Variants in ZNF256 observed in about 807,000 individuals in gnomAD.
ZNF256 encodes bone marrow zinc finger 3.
ZNF256 carries 4 observed loss-of-function variants against 7.9 expected under a neutral mutation model. That is an observed-to-expected ratio of 0.50 (90% CI 0.25 to 1.15). The LOEUF is 1.15. Among genes scored for constraint, ZNF256 ranks in the 50% most tolerant of loss-of-function variants. The pLI, the probability that ZNF256 is intolerant of heterozygous loss-of-function variation, is 0.15. For missense variants in ZNF256, 666 were observed against 755.9 expected, an observed-to-expected ratio of 0.88 and a Z score of 1.39; for synonymous variants, 260 against 260.4, an observed-to-expected ratio of 1.00 and a Z score of 0.02.
In ZNF256 at chr19:57,941,242, A is replaced by G. The variant is rs1600195809; in HGVS notation, c.1566T>C (p.Asn522=). Residue 522 remains asparagine, a synonymous_variant, in exon 3 of 3, where the codon AAT becomes AAC. Transcript: ENST00000282308. ...TCTGGCTAAAAAACTTCCCACATTC[A>G]TTGCACTCATAAGGCCTTTCTCCAG... ...VHTGERPYEC[N]ECGKFFSQSS... is the part of the protein sequence containing the mutation. The G allele has an allele frequency of 1.2e-6, 2 of 1,613,816 alleles. No homozygotes were observed. The highest frequency in any genetic ancestry group is 1.3e-5 in the African/African-American group (1 of 75,016).
At chr19:57,945,317 T>C (rs1027412356) in intron 1 of ZNF256, among the ~76,000 whole-genome samples, 1 of 152,114 alleles carries the variant, frequency 6.6e-6, no homozygotes, top group Non-Finnish European at 1.5e-5. Context: ...GAATGTAAGT[T>C]TTGTAGCATC....
At chr19:57,942,786 G>A in intron 2 of ZNF256, 139 bp from the exon 3 acceptor site, 1 of 977,816 alleles carries the variant, frequency 1.0e-6, no homozygotes, top group South Asian at 1.7e-5. Context: ...GGTTCAAGTT[G>A]AAGATAGGGC....
rs1451540453 is a variant in ZNF256 at position 57,942,467 on chromosome 19, C to A, written c.341G>T (p.Gly114Val). 6.2e-7 allele frequency: 1 copy of A among 1,614,042 alleles called. No homozygotes were observed. The highest frequency in any genetic ancestry group is 8.5e-7 in the Non-Finnish European group (1 of 1,180,048). Residue 114 changes from glycine to valine, a missense_variant, in exon 3 of 3, where the codon GGT becomes GTT. Gly to Val is a moderately radical substitution (Grantham distance 109). Coordinates refer to ENST00000282308, the MANE Select transcript of ZNF256 (RefSeq NM_005773.3). ...HLVEHQGTHHGQKLYTDGACR... is the reference protein window; with the variant it reads ...HLVEHQGTHHVQKLYTDGACR... ...TGCCCCGTCTGTATACAGTTTCTGA[C>A]CATGGTGTGTTCCTTGGTGTTCAAC... is the stretch of plus-strand genomic sequence containing the variant.
intron 2 of ZNF256, 77 bp from the exon 3 acceptor site, chr19:57,942,724 C>T: frequency 1.3e-6 from 2 of 1,528,834 alleles, no homozygotes; most frequent in Non-Finnish European, 1.8e-6. Context: ...AATGTGCATC[C>T]AACAAACCCA....
intron 1 of ZNF256, among the ~76,000 whole-genome samples, chr19:57,944,610 G>A (rs1212299424): frequency 6.6e-6 from 1 of 152,184 alleles, no homozygotes; most frequent in Non-Finnish European, 1.5e-5. Context: ...GGATCACGAG[G>A]TCAAGAGATG....
intron 1 of ZNF256, among the ~76,000 whole-genome samples, chr19:57,944,457 C>T (rs1252254133): frequency 6.6e-6 from 1 of 152,240 alleles, no homozygotes; most frequent in Non-Finnish European, 1.5e-5. Flanking sequence ...CCCACTGCCA[C>T]ATGACCATGA....
chr19:57,946,686 T>C (rs2072768447), intron 1 of ZNF256, among the ~76,000 whole-genome samples: 1 of 151,944 alleles, frequency 6.6e-6, no homozygotes, highest in Non-Finnish European at 1.5e-5. Context: ...CTTGGTAAAT[T>C]ACCTCTTTTT....
rs752456373 is a variant in ZNF256 at position 57,943,985 on chromosome 19, A to C, written c.109T>G (p.Cys37Gly). The C allele has an allele frequency of 6.2e-7, 1 of 1,614,088 alleles. No individual in the cohort carries two copies. The highest frequency in any genetic ancestry group is 1.1e-5 in the South Asian group (1 of 91,084). ...EWGLLDEAQK[C>G]LYHDVMLENL... ...TCCAGCATCACATCGTGGTACAGGC[A>C]TTTCTGAGCCTCATCAAGAAGACCC... Residue 37 changes from cysteine (C) to glycine (G), a missense_variant, in exon 2 of 3, where the codon TGC becomes GGC. Physicochemically the swap from Cys to Gly is radical, Grantham distance 159. Transcript: ENST00000282308.
Position 57,942,344 on chromosome 19 carries a change from A to C in ZNF256, c.464T>G (p.Phe155Cys). 6.2e-7 allele frequency: 1 copy of C among 1,614,192 alleles called. No individual in the cohort carries two copies. Among genetic ancestry groups the C allele is most frequent in the Non-Finnish European group, 8.5e-7 (1 of 1,180,042 alleles). Residue 155 changes from phenylalanine (F) to cysteine (C), a missense_variant, in exon 3 of 3, where the codon TTT (phenylalanine) becomes TGT (cysteine). Transcript: ENST00000282308. ...TACTTCAAATGTGCAGCTGCTCAAA[A>C]ACATGTCTCTGCCCCCATTGCTTCT... ...HFRSNGGRDMFLSSCTFEVSG... is the reference protein window; with the variant it reads ...HFRSNGGRDMCLSSCTFEVSG...
At position 57,942,082 on chromosome 19, in the gene ZNF256, A is replaced by G; in HGVS notation, c.726T>C (p.Ser242=). ...TTGTGCTAAAAGATTTCCCACATTCACTGCACATGTAAGATCTTTCCCTAA... is the reference window on the plus strand; with the variant it reads ...TTGTGCTAAAAGATTTCCCACATTCGCTGCACATGTAAGATCTTTCCCTAA... The part of the protein sequence containing the change: ...DLIRERSYMC[S]ECGKSFSTSC... Residue 242 remains serine (S), a synonymous_variant, in exon 3 of 3, where the codon AGT becomes AGC. Transcript: ENST00000282308. The G allele has an allele frequency of 1.2e-6, 2 of 1,614,228 alleles. No homozygotes were observed. Among genetic ancestry groups the G allele is most frequent in the East Asian group, 2.2e-5 (1 of 44,890 alleles).
rs1419484548 is a variant in ZNF256 at position 57,942,337 on chromosome 19, G to A, written c.471C>T (p.Ser157=). The A allele has an allele frequency of 6.2e-7, 1 of 1,614,206 alleles. No homozygotes were observed. The change falls in exon 3 of 3, where the codon AGC becomes AGT. Residue 157 remains serine (S), a synonymous_variant. Transcript: ENST00000282308. Reference sequence around the variant, plus strand: ...TCCCAGATACTTCAAATGTGCAGCTGCTCAAAAACATGTCTCTGCCCCCAT... The same window carrying A: ...TCCCAGATACTTCAAATGTGCAGCTACTCAAAAACATGTCTCTGCCCCCAT... ...RSNGGRDMFL[S]SCTFEVSGKP...
chr19:57,942,727 C>G, intron 2 of ZNF256, 80 bp from the exon 3 acceptor site: 5 of 1,525,410 alleles, frequency 3.3e-6, no homozygotes, highest in Non-Finnish European at 3.5e-6. Context: ...GTGCATCCAA[C>G]AAACCCAGGA....
chr19:57,942,164 T>A lies in ZNF256; in HGVS notation c.644A>T (p.Glu215Val). ...TTTGTAGCTGAAAGCTTTCACACAT[T>A]CTCCCCAGTTGTAATGATTTTTTAC... is the stretch of plus-strand genomic sequence containing the variant. ...HSVKNHYNWG[E>V]CVKAFSYKHV... is the part of the protein sequence containing the mutation. Residue 215 changes from glutamate (E) to valine (V), a missense_variant, in exon 3 of 3, where the codon GAA (glutamate) becomes GTA (valine). By Grantham distance (121) the Glu-to-Val change is moderately radical (BLOSUM62 -2). Coordinates refer to ENST00000282308, the MANE Select transcript of ZNF256 (RefSeq NM_005773.3). 1 of 1,614,212 alleles carries A rather than the reference T, an allele frequency of 6.2e-7. No homozygotes were observed. Among genetic ancestry groups the A allele is most frequent in the Non-Finnish European group, 8.5e-7 (1 of 1,180,044 alleles).
intron 2 of ZNF256, 29 bp downstream of exon 2, chr19:57,943,905 G>T: frequency 6.2e-7 from 1 of 1,611,490 alleles, no homozygotes; most frequent in South Asian, 1.1e-5. Flanking sequence ...GGCTAGCTCG[G>T]GGCATAGAGG....
chr19:57,941,932 T>C lies in ZNF256; in HGVS notation c.876A>G (p.Val292=). 1 of 1,614,248 alleles carries C rather than the reference T, an allele frequency of 6.2e-7. No individual in the cohort carries two copies. Among genetic ancestry groups the C allele is most frequent in the Non-Finnish European group, 8.5e-7 (1 of 1,180,050 alleles). Residue 292 remains valine (V), a synonymous_variant, in exon 3 of 3, where the codon GTA becomes GTG. Transcript: ENST00000282308. ...CACATTCATCACATTGATGAGGTCTTACTCCAGTGTGAATTCTTCGGTGCG... is the reference window on the plus strand; with the variant it reads ...CACATTCATCACATTGATGAGGTCTCACTCCAGTGTGAATTCTTCGGTGCG... ...LITHRRIHTG[V]RPHQCDECGK...
At position 57,941,694 on chromosome 19, in the gene ZNF256, C is replaced by A; in HGVS notation, c.1114G>T (p.Val372Phe). 6.2e-7 allele frequency: 1 copy of A among 1,614,038 alleles called. No individual in the cohort carries two copies. The highest frequency in any genetic ancestry group is 8.5e-7 in the Non-Finnish European group (1 of 1,180,014). ...ATATAAGGCCTTGTACCAGTGTGAA[C>A]TCTCTGGTGTGTAATAAGGCTAGAA... is the stretch of plus-strand genomic sequence containing the variant. ...HSSSLITHQRVHTGTRPYMCS... is the reference protein window; with the variant it reads ...HSSSLITHQRFHTGTRPYMCS... The change falls in exon 3 of 3, where the codon GTT becomes TTT. Residue 372 changes from valine to phenylalanine, a missense_variant. Val to Phe is a conservative substitution (Grantham distance 50). Transcript: ENST00000282308.
chr19:57,945,462 A>G (rs766468087), intron 1 of ZNF256, among the ~76,000 whole-genome samples: 33 of 152,176 alleles, frequency 2.2e-4, no homozygotes, highest in Non-Finnish European at 4.6e-4. Context: ...AAGAATGGAT[A>G]AGAAGGGTTC....
chr19:57,947,343 GTGTCC>G, intron 1 of ZNF256, 94 bp downstream of exon 1: 1 of 1,158,428 alleles, frequency 8.6e-7, no homozygotes, highest in East Asian at 3.2e-5. Context: ...GCGAGCCCCC[GTGTCC>G]TGTCCTGGGC....
chr19:57,943,962 C>T lies in ZNF256; in HGVS notation c.132G>A (p.Leu44=), dbSNP rs773169498. ...GGGAGGTTGTAAGTGTCAAGTTCTC[C>T]AGCATCACATCGTGGTACAGGCATT... ...AQKCLYHDVM[L]ENLTLTTSLG... is the part of the protein sequence containing the mutation. Residue 44 remains leucine, a synonymous_variant, in exon 2 of 3, where the codon CTG becomes CTA. Coordinates refer to ENST00000282308, the MANE Select transcript of ZNF256 (RefSeq NM_005773.3). 5 of 1,614,070 alleles carry T rather than the reference C, an allele frequency of 3.1e-6. No homozygotes were observed. The South Asian group carries it at 5.5e-5, about 18-fold the overall frequency.
Sources: gnomAD v4.1 joint callset for allele counts (sites outside exome capture counted in the v4.1 genomes callset) on GRCh38, gnomAD v4.1.1 for gene constraint, MANE v1.5 for transcripts, NCBI Gene and HGNC (gene_info 2026-07-23, HGNC 2026-07-21) for gene names.